The following TRPM3 variants were observed in gnomAD, a reference collection of about 807,000 sequenced individuals.
TRPM3 encodes transient receptor potential cation channel subfamily M member 3.
Under a neutral mutation model 181.2 loss-of-function variants are expected in TRPM3, and 77 were observed. The observed-to-expected ratio is 0.42, with a 90% CI of 0.35 to 0.51. TRPM3 has a LOEUF of 0.51. Among genes scored for constraint, TRPM3 ranks in the 20% least tolerant of loss-of-function variants. The pLI, the probability that TRPM3 is intolerant of heterozygous loss-of-function variation, is 0.01. For missense variants in TRPM3, 1,759 were observed against 2,196.7 expected (o/e 0.80, Z 3.98); for synonymous variants, 745 against 796.4 (o/e 0.94, Z 1.09).
intron 1 of TRPM3, among the ~76,000 whole-genome samples, chr9:71,376,171 TAGA>T (rs1363508770): frequency 8.5e-5 from 13 of 152,062 alleles, no homozygotes; most frequent in African/African-American, 2.6e-4. Context: ...CTGAATTAAC[TAGA>T]AGAAGTCACA....
At chr9:70,883,010 C>T (rs1564679393) in intron 1 of TRPM3, among the ~76,000 whole-genome samples, 2 of 152,124 alleles carry the variant, frequency 1.3e-5, no homozygotes, top group Non-Finnish European at 1.5e-5. Flanking sequence ...TATGTGTTTC[C>T]TGTAACATAA....
intron 1 of TRPM3, among the ~76,000 whole-genome samples, chr9:70,883,001 A>C (rs1335676681): frequency 6.6e-6 from 1 of 152,226 alleles, no homozygotes; most frequent in East Asian, 1.9e-4. Flanking sequence ...TTCTGAACAT[A>C]TGTGTTTCCT....
chr9:71,078,510 C>G (rs1355052819), intron 1 of TRPM3, among the ~76,000 whole-genome samples: 1 of 152,122 alleles, frequency 6.6e-6, no homozygotes, highest in African/African-American at 2.4e-5. Context: ...CTTTCTTATC[C>G]TCTAAAATTT....
rs1020949356 is a variant in TRPM3, at chr9:70,846,387, C to A, written c.667G>T (p.Val223Phe). 6 of 1,613,932 alleles carry A rather than the reference C, an allele frequency of 3.7e-6. No homozygotes were observed. The highest frequency in any genetic ancestry group is 4.2e-6 in the Non-Finnish European group (5 of 1,179,840). ...TTCCACTTGCAATTACCTGTGTTAA[C>A]CCCTCCAGTGAATATCCACGCTCCA... Reference protein sequence around the residue: ...TTGAWIFTGGVNTGVIRHVGD... With the variant: ...TTGAWIFTGGFNTGVIRHVGD... Residue 223 changes from valine (V) to phenylalanine (F), a missense_variant, in exon 4 of 26, where the codon GTT (valine) becomes TTT (phenylalanine). This residue lies in a region of TRPM3 where 737 missense variants were observed against 957.4 expected (regional missense o/e 0.77). Transcript: ENST00000677713.
chr9:70,869,103 G>A, intron 1 of TRPM3: 1 of 959,522 alleles, frequency 1.0e-6, no homozygotes, highest in Non-Finnish European at 1.2e-6. Context: ...CCGCCCACTG[G>A]AAAAAAAAAG....
At chr9:71,319,025 A>T (rs200172298) in intron 1 of TRPM3, among the ~76,000 whole-genome samples, 112,699 of 151,816 alleles carry the variant, frequency 0.74, 43,048 homozygotes, top group East Asian at 0.84. Context: ...AGTATGTACA[A>T]AATTGTGAGA....
chr9:71,092,150 A>AT (rs2066334875), intron 1 of TRPM3, among the ~76,000 whole-genome samples: 1 of 152,176 alleles, frequency 6.6e-6, no homozygotes, highest in African/African-American at 2.4e-5. Context: ...ACTAAAATGA[A>AT]ACAAATAGGA....
intron 22 of TRPM3, among the ~76,000 whole-genome samples, chr9:70,570,366 C>A (rs1026390549): frequency 1.5e-5 from 2 of 132,260 alleles, no homozygotes; most frequent in Admixed American, 1.8e-4. Flanking sequence ...TGGAGTGCAG[C>A]GGCACGATCT....
At chr9:71,340,592 G>A (rs2090892643) in intron 1 of TRPM3, among the ~76,000 whole-genome samples, 1 of 152,062 alleles carries the variant, frequency 6.6e-6, no homozygotes, top group African/African-American at 2.4e-5. Flanking sequence ...ATGATTGTGA[G>A]GACTCCCCAG....
At chr9:70,619,406 C>CTT (rs1170887633) in intron 16 of TRPM3, among the ~76,000 whole-genome samples, 2,008 of 81,266 alleles carry the variant, frequency 0.025, 129 homozygotes, top group East Asian at 0.067. Flanking sequence ...TCGTCGTCTT[C>CTT]TTTTTTTTTT....
intron 1 of TRPM3, among the ~76,000 whole-genome samples, chr9:70,866,942 C>T (rs149314041): frequency 1.3e-5 from 2 of 152,138 alleles, no homozygotes; most frequent in East Asian, 1.9e-4. Context: ...AGAGTTCACA[C>T]TCTTACCCAC....
At chr9:70,836,305 CCA>C (rs1178001355) in intron 5 of TRPM3, among the ~76,000 whole-genome samples, 2 of 152,114 alleles carry the variant, frequency 1.3e-5, no homozygotes, top group East Asian at 3.9e-4. Context: ...TAAACAAACT[CCA>C]GTCTCCCCCC....
intron 5 of TRPM3, among the ~76,000 whole-genome samples, chr9:70,831,802 T>C (rs1370662775): frequency 1.3e-5 from 2 of 151,418 alleles, no homozygotes; most frequent in East Asian, 3.9e-4. Flanking sequence ...ATGACTATAG[T>C]CAATAATAAC....
intron 8 of TRPM3, among the ~76,000 whole-genome samples, chr9:70,739,270 A>G (rs117269376): frequency 0.011 from 1,729 of 152,314 alleles, 25 homozygotes; most frequent in Non-Finnish European, 0.018. Flanking sequence ...TATCAAAAAG[A>G]TAATACATCA....
intron 1 of TRPM3, among the ~76,000 whole-genome samples, chr9:70,870,950 T>C (rs2095777649): frequency 6.6e-6 from 1 of 152,032 alleles, no homozygotes; most frequent in South Asian, 2.1e-4. Context: ...GAAAATATTT[T>C]TTTTCAACTG....
Position 71,417,580 on chromosome 9 carries a change from TA to T in TRPM3, c.183+29072del, listed in dbSNP as rs775530308. 7.8e-4 allele frequency among the ~76,000 whole-genome samples: 119 copies of T among 152,126 alleles called. 1 individual carries two copies. The highest frequency in any genetic ancestry group is 1.2e-3 in the Non-Finnish European group (81 of 67,940). On this transcript the variant is annotated intron_variant, in intron 1 of 24. Coordinates refer to the TRPM3 transcript ENST00000357533. ...CCAAAATATTATCTCATAATCCTAT[TA>T]AATTACTGCACTAATTTAAATTAGT...
At chr9:71,201,013 G>T (rs1448226628) in intron 1 of TRPM3, among the ~76,000 whole-genome samples, 2 of 152,066 alleles carry the variant, frequency 1.3e-5, no homozygotes, top group Non-Finnish European at 2.9e-5. Flanking sequence ...GGCTGGTACT[G>T]GTTGTTCCTT....
chr9:70,669,577 G>A (rs10116210), intron 9 of TRPM3, among the ~76,000 whole-genome samples: 46,403 of 151,948 alleles, frequency 0.31, 7,470 homozygotes, highest in East Asian at 0.46. Flanking sequence ...CTTAGGAAGA[G>A]GACTAACTTT....
At chr9:70,611,715 G>A (rs536666446) in intron 18 of TRPM3, among the ~76,000 whole-genome samples, 1 of 152,184 alleles carries the variant, frequency 6.6e-6, no homozygotes, top group South Asian at 2.1e-4. Flanking sequence ...ATTACTGCTG[G>A]TACTAGTTTT....
Sources: gnomAD v4.1 joint callset for allele counts (sites outside exome capture counted in the v4.1 genomes callset) on GRCh38, gnomAD v4.1.1 for gene constraint, gnomAD v4.1.1 regional missense constraint, MANE v1.5 for transcripts, NCBI Gene and HGNC (gene_info 2026-07-23, HGNC 2026-07-21) for gene names.